DNAJC27: variants seen among roughly 807,000 people sequenced by gnomAD.
DNAJC27 encodes DnaJ heat shock protein family (Hsp40) member C27.
Under a neutral mutation model 31.4 loss-of-function variants are expected in DNAJC27, and 25 were observed. The ratio of observed to expected loss-of-function variants is 0.80; its 90% CI spans 0.58 to 1.11. The LOEUF is 1.11. Among genes scored for constraint, DNAJC27 ranks in the 50% most tolerant of loss-of-function variants. The probability of loss-of-function intolerance (pLI) is 0.00; values close to 1 mark genes in which losing one functional copy is unlikely to be tolerated. For missense variants in DNAJC27, 356 were observed against 347.3 expected (o/e 1.02, Z -0.20); for synonymous variants, 106 against 112.7 (o/e 0.94, Z 0.37).
At chr2:24,958,875 A>G (rs903839711) in intron 3 of DNAJC27, among the ~76,000 whole-genome samples, 2 of 152,218 alleles carry the variant, frequency 1.3e-5, no homozygotes, top group Non-Finnish European at 2.9e-5. Context: ...GAATCCTGAC[A>G]GAGCCCATAT....
At chr2:24,963,367 A>T (rs1666095631) in intron 3 of DNAJC27, 38 bp downstream of exon 3, 1 of 1,532,606 alleles carries the variant, frequency 6.5e-7, no homozygotes, top group Admixed American at 1.7e-5. Context: ...AACCACCAAC[A>T]ATACTGGATA....
intron 2 of DNAJC27, among the ~76,000 whole-genome samples, chr2:24,965,670 G>C (rs1482311778): frequency 6.6e-6 from 1 of 152,180 alleles, no homozygotes; most frequent in Non-Finnish European, 1.5e-5. Context: ...TTGAAAAATG[G>C]TGCTGTAAGA....
rs1423418600 is a variant in DNAJC27, at chr2:24,971,832, C to T, written c.73G>A (p.Ala25Thr). The T allele has an allele frequency of 6.2e-7, 1 of 1,609,378 alleles. No homozygotes were observed. The highest frequency in any genetic ancestry group is 8.5e-7 in the Non-Finnish European group (1 of 1,178,314). The change falls in exon 1 of 7, where the codon GCC becomes ACC. Residue 25 changes from alanine (A) to threonine (T), a missense_variant. Coordinates refer to ENST00000264711, the MANE Select transcript of DNAJC27 (RefSeq NM_016544.3). ...LRIKVISMGN[A>T]EVGKSCIIKR... Reference sequence around the variant, plus strand: ...GCTGTACTCACTTTCCCCACTTCGGCGTTGCCCATGGAGATGACTTTGATG... The same window carrying T: ...GCTGTACTCACTTTCCCCACTTCGGTGTTGCCCATGGAGATGACTTTGATG...
chr2:24,957,190 G>C (rs756234022), intron 4 of DNAJC27, 25 bp from the exon 5 acceptor site: 3 of 1,567,236 alleles, frequency 1.9e-6, no homozygotes, highest in Middle Eastern at 1.7e-4. Context: ...GCGGGGGACA[G>C]AGAGAAGATT....
rs1241738122 is a variant in DNAJC27, at chr2:24,946,200, T to G, written c.*1416A>C. 6.6e-6 allele frequency: 1 copy of G among 152,184 alleles called. No homozygotes were observed. The highest frequency in any genetic ancestry group is 1.5e-5 in the Non-Finnish European group (1 of 68,034). The allele number at this position is 152,184 out of a possible 1,614,324, so 9.4% of individuals were successfully genotyped here. On this transcript the variant is annotated 3_prime_UTR_variant, in exon 7 of 7. Transcript: ENST00000264711. ...AGGAGACTGTGGTCAGAGAATGTAT[T>G]TTGTAAGCTATAGTTTAAAAATATT...
intron 6 of DNAJC27, among the ~76,000 whole-genome samples, chr2:24,950,515 C>A (rs956892960): frequency 6.6e-6 from 1 of 152,094 alleles, no homozygotes; most frequent in Non-Finnish European, 1.5e-5. Context: ...GAATTTTTTT[C>A]TTAAATAACT....
chr2:24,955,324 AGTG>A (rs1665879271), intron 5 of DNAJC27, among the ~76,000 whole-genome samples: 1 of 152,204 alleles, frequency 6.6e-6, no homozygotes, highest in Admixed American at 6.5e-5. Flanking sequence ...GTAGATTGTC[AGTG>A]GTGAAGTCAA....
chr2:24,971,472 C>T (rs999984394), intron 1 of DNAJC27: 11 of 184,510 alleles, frequency 6.0e-5, no homozygotes, highest in Non-Finnish European at 1.0e-4. Flanking sequence ...TTTCATCCTC[C>T]ATCTCCCGGT....
At chr2:24,967,662 T>C (rs1027836434) in intron 1 of DNAJC27, among the ~76,000 whole-genome samples, 2 of 150,496 alleles carry the variant, frequency 1.3e-5, no homozygotes, top group African/African-American at 4.9e-5. Flanking sequence ...ATTGCTGCCA[T>C]TGCACTCCAG....
At chr2:24,948,090 G>T (rs990000665) in intron 6 of DNAJC27, among the ~76,000 whole-genome samples, 1 of 152,168 alleles carries the variant, frequency 6.6e-6, no homozygotes, top group Non-Finnish European at 1.5e-5. Context: ...TTGGGCACCA[G>T]GGAAGGCATC....
chr2:24,950,051 T>C (rs1665730552), intron 6 of DNAJC27, among the ~76,000 whole-genome samples: 1 of 148,818 alleles, frequency 6.7e-6, no homozygotes, highest in South Asian at 2.1e-4. Flanking sequence ...TTTTCGAATT[T>C]CAAAACCCAC....
Position 24,951,459 on chromosome 2 carries a change from G to A in DNAJC27, c.624C>T (p.Ala208=). The change falls in exon 6 of 7, where the codon GCC becomes GCT. Residue 208 remains alanine (A), a synonymous_variant. Coordinates refer to ENST00000264711, the MANE Select transcript of DNAJC27 (RefSeq NM_016544.3). ...SASFTKEQAD[A]IRRIRNSKDS... is the part of the protein sequence containing the mutation. ...CTTTACTATTTCGAATTCTGCGAAT[G>A]GCATCTGCTTGTTCTTTGGTGAAAC... 1 of 1,613,906 alleles carries A rather than the reference G, an allele frequency of 6.2e-7. No homozygotes were observed.
intron 1 of DNAJC27, among the ~76,000 whole-genome samples, chr2:24,971,191 T>C (rs181139116): frequency 5.3e-5 from 8 of 152,292 alleles, no homozygotes; most frequent in Admixed American, 3.9e-4. Context: ...GGAGAGTTTA[T>C]AGCTGATGAA....
chr2:24,951,524 C>T lies in DNAJC27; in HGVS notation c.559G>A (p.Glu187Lys). 1.2e-6 allele frequency: 2 copies of T among 1,613,288 alleles called. No homozygotes were observed. The highest frequency in any genetic ancestry group is 1.7e-5 in the Admixed American group (1 of 59,898). ...TFYISIVDLC[E>K]NGGKRPTTNS... ...GTGGTAGGGCGTTTCCCGCCATTTT[C>T]ACATAAATCAACTATGGATATATAA... Residue 187 changes from glutamate to lysine, a missense_variant, in exon 6 of 7, where the codon GAA becomes AAA. Glu to Lys is a moderately conservative substitution (Grantham distance 56, BLOSUM62 1). Coordinates refer to ENST00000264711, the MANE Select transcript of DNAJC27 (RefSeq NM_016544.3).
chr2:24,958,039 GTCA>G, intron 3 of DNAJC27, 65 bp from the exon 4 acceptor site: 1 of 1,457,904 alleles, frequency 6.9e-7, no homozygotes, highest in Non-Finnish European at 9.4e-7. Context: ...GTATCTCACA[GTCA>G]TTAACCTGGC....
At chr2:24,971,164 C>T (rs1666326021) in intron 1 of DNAJC27, among the ~76,000 whole-genome samples, 1 of 152,168 alleles carries the variant, frequency 6.6e-6, no homozygotes. Context: ...TCTGGCCTTC[C>T]CTCCCCACGT....
chr2:24,950,374 T>TG (rs1665739292), intron 6 of DNAJC27, among the ~76,000 whole-genome samples: 2 of 152,072 alleles, frequency 1.3e-5, no homozygotes, highest in South Asian at 4.1e-4. Flanking sequence ...GTGAAGTATG[T>TG]GGGGGGAGTC....
chr2:24,953,577 T>G (rs1175336404), intron 5 of DNAJC27: 1 of 414,204 alleles, frequency 2.4e-6, no homozygotes, highest in Non-Finnish European at 3.2e-6. Flanking sequence ...TATTCTCTTC[T>G]TGTTAGCTTT....
chr2:24,958,043 T>C, intron 3 of DNAJC27, 69 bp from the exon 4 acceptor site: 1 of 1,437,478 alleles, frequency 7.0e-7, no homozygotes, highest in Admixed American at 2.0e-5. Context: ...CTCACAGTCA[T>C]TAACCTGGCA....
Sources: allele counts gnomAD v4.1 joint callset (sites outside exome capture counted in the v4.1 genomes callset), GRCh38; gene constraint gnomAD v4.1.1; transcripts MANE v1.5; gene names NCBI Gene and HGNC (gene_info 2026-07-23, HGNC 2026-07-21).